Variants in CFAP77 observed in about 807,000 individuals in gnomAD.
CFAP77 encodes the protein cilia- and flagella-associated protein 77.
In CFAP77, 25 loss-of-function variants were observed where a neutral mutation model predicts 31.1. The observed-to-expected ratio is 0.80, with a 90% CI of 0.59 to 1.12. The LOEUF (loss-of-function observed/expected upper bound fraction) is 1.12. CFAP77 is among the 50% of genes most tolerant of loss of function. The pLI, the probability that CFAP77 is intolerant of heterozygous loss-of-function variation, is 0.00. For synonymous variants in CFAP77, 151 were observed against 159.9 expected, an observed-to-expected ratio of 0.94 and a Z score of 0.42; for missense variants, 377 against 397.3, an observed-to-expected ratio of 0.95 and a Z score of 0.44.
At chr9:132,489,250 G>A (rs1851614772) in intron 1 of CFAP77, among the ~76,000 whole-genome samples, 1 of 152,182 alleles carries the variant, frequency 6.6e-6, no homozygotes, top group Non-Finnish European at 1.5e-5. Flanking sequence ...GAAATGAGAA[G>A]CGCAAGGATT....
At chr9:132,561,431 G>A (rs1223039048) in intron 5 of CFAP77, among the ~76,000 whole-genome samples, 9 of 151,608 alleles carry the variant, frequency 5.9e-5, no homozygotes, top group African/African-American at 2.2e-4. Context: ...TTGGTGTTTA[G>A]TTAGGGGACC....
At chr9:132,530,458 A>G (rs1474699256) in intron 3 of CFAP77, among the ~76,000 whole-genome samples, 1 of 151,954 alleles carries the variant, frequency 6.6e-6, no homozygotes, top group African/African-American at 2.4e-5. Flanking sequence ...TATTTTTAGT[A>G]GAGACGAGGT....
chr9:132,419,512 T>C (rs945808657), intron 1 of CFAP77, among the ~76,000 whole-genome samples: 6 of 152,348 alleles, frequency 3.9e-5, no homozygotes, highest in African/African-American at 1.4e-4. Flanking sequence ...AGCATTTCTG[T>C]TGAGGGAATT....
At chr9:132,485,994 A>C (rs1851533867) in intron 1 of CFAP77, among the ~76,000 whole-genome samples, 1 of 5,180 alleles carries the variant, frequency 1.9e-4, no homozygotes, top group Non-Finnish European at 3.3e-4. Flanking sequence ...TCATATATAT[A>C]TATATATATA....
rs138184611 is a variant in CFAP77 at position 132,572,423 on chromosome 9, C to T, written c.768C>T (p.Ala256=). The part of the protein sequence containing the change: ...GRHLDTFPTE[A]DRQRALKAHR... ...ACCTTGATACGTTCCCCACGGAGGC[C>T]GATCGCCAGAGAGCATTAAAAGCCC... The change falls in exon 6 of 6, where the codon GCC becomes GCT. Residue 256 remains alanine (A), a synonymous_variant. Transcript: ENST00000393216. 199 of 1,613,332 alleles carry T rather than the reference C, an allele frequency of 1.2e-4. No homozygotes were observed. The African/African-American group carries it at 2.1e-3, about 17-fold the overall frequency.
At chr9:132,549,104 C>G (rs550121863) in intron 5 of CFAP77, among the ~76,000 whole-genome samples, 1 of 152,192 alleles carries the variant, frequency 6.6e-6, no homozygotes, top group Non-Finnish European at 1.5e-5. Context: ...TTCTTTCCCA[C>G]CTTTAAGCTC....
chr9:132,484,555 CAT>C (rs1248300161), intron 1 of CFAP77, among the ~76,000 whole-genome samples: 1 of 152,192 alleles, frequency 6.6e-6, no homozygotes, highest in African/African-American at 2.4e-5. Flanking sequence ...CACATTGTAA[CAT>C]GGATCAGTGC....
intron 3 of CFAP77, among the ~76,000 whole-genome samples, chr9:132,502,261 ATATAT>A (rs1851857917): frequency 8.3e-5 from 6 of 72,432 alleles, no homozygotes; most frequent in East Asian, 7.2e-4. Flanking sequence ...ATATATATAT[ATATAT>A]TTTTTTTTTT....
intron 1 of CFAP77, among the ~76,000 whole-genome samples, chr9:132,422,809 G>A (rs138154199): frequency 2.6e-5 from 4 of 152,272 alleles, no homozygotes; most frequent in African/African-American, 9.6e-5. Flanking sequence ...GACAACAGGC[G>A]GACAAAGGGA....
At chr9:132,534,790 A>G (rs770502125) in intron 3 of CFAP77, among the ~76,000 whole-genome samples, 1 of 152,168 alleles carries the variant, frequency 6.6e-6, no homozygotes, top group Admixed American at 6.5e-5. Flanking sequence ...AGAATTATGC[A>G]TATATATCCA....
intron 5 of CFAP77, among the ~76,000 whole-genome samples, chr9:132,546,444 T>A (rs1471968652): frequency 6.6e-6 from 1 of 151,060 alleles, no homozygotes; most frequent in Admixed American, 6.6e-5. Flanking sequence ...CGGTGATGGA[T>A]AACCTAAATG....
At chr9:132,482,105 A>C (rs940208673) in intron 1 of CFAP77, among the ~76,000 whole-genome samples, 1 of 152,130 alleles carries the variant, frequency 6.6e-6, no homozygotes, top group African/African-American at 2.4e-5. Context: ...AAAACAGTTC[A>C]GTTTTCCTTT....
intron 1 of CFAP77, among the ~76,000 whole-genome samples, chr9:132,429,215 G>A (rs943826754): frequency 6.6e-6 from 1 of 151,728 alleles, no homozygotes; most frequent in African/African-American, 2.4e-5. Flanking sequence ...TTCTGAGTAT[G>A]GAAATAAAGA....
At chr9:132,459,736 G>A (rs28758412) in intron 1 of CFAP77, among the ~76,000 whole-genome samples, 3 of 146,820 alleles carry the variant, frequency 2.0e-5, no homozygotes, top group Non-Finnish European at 4.4e-5. Context: ...ATGTGTATAT[G>A]TGTGTGAGTG....
intron 3 of CFAP77, among the ~76,000 whole-genome samples, chr9:132,516,827 G>A (rs1564236958): frequency 6.6e-6 from 1 of 152,096 alleles, no homozygotes; most frequent in Non-Finnish European, 1.5e-5. Context: ...AATAGATTTA[G>A]TGGTAGCTTT....
At chr9:132,445,135 G>A (rs539982503) in intron 1 of CFAP77, among the ~76,000 whole-genome samples, 6 of 152,158 alleles carry the variant, frequency 3.9e-5, no homozygotes, top group African/African-American at 1.4e-4. Flanking sequence ...CACCATGCCT[G>A]GCTAATTTTT....
chr9:132,486,868 CCCTGT>C (rs1444203104), intron 1 of CFAP77, among the ~76,000 whole-genome samples: 1 of 152,256 alleles, frequency 6.6e-6, no homozygotes, highest in Non-Finnish European at 1.5e-5. Context: ...AACGGTGGGG[CCCTGT>C]CACCGTGACC....
intron 1 of CFAP77, among the ~76,000 whole-genome samples, chr9:132,482,795 A>C (rs139950499): frequency 0.013 from 1,167 of 89,286 alleles, 9 homozygotes; most frequent in Admixed American, 0.019. Flanking sequence ...CACTCTGGGG[A>C]CTGTTGTGGG....
At chr9:132,542,613 G>A (rs1047761424) in intron 4 of CFAP77, among the ~76,000 whole-genome samples, 2 of 152,222 alleles carry the variant, frequency 1.3e-5, no homozygotes, top group Non-Finnish European at 1.5e-5. Context: ...GGGGCTGCGT[G>A]AGCCACGGAG....
Sources: allele counts gnomAD v4.1 joint callset (sites outside exome capture counted in the v4.1 genomes callset), GRCh38; gene constraint gnomAD v4.1.1; transcripts MANE v1.5; gene names NCBI Gene and HGNC (gene_info 2026-07-23, HGNC 2026-07-21).